Variants in MYT1L observed in about 807,000 individuals in gnomAD.
The protein encoded by MYT1L is myelin transcription factor 1-like protein.
Under a neutral mutation model 126.7 loss-of-function variants are expected in MYT1L, and 12 were observed. The ratio of observed to expected loss-of-function variants is 0.09; its 90% CI spans 0.06 to 0.15. The LOEUF is 0.15. Ranked by LOEUF, MYT1L falls within the 10% of genes least tolerant of loss-of-function variation. The pLI, the probability that MYT1L is intolerant of heterozygous loss-of-function variation, is 1.00. For missense variants in MYT1L, 979 were observed against 1,585.2 expected (o/e 0.62, Z 6.49); for synonymous variants, 541 against 604.2 (o/e 0.90, Z 1.53).
intron 2 of MYT1L, among the ~76,000 whole-genome samples, chr2:2,205,584 A>T (rs1265306960): frequency 1.3e-5 from 2 of 152,150 alleles, no homozygotes; most frequent in Non-Finnish European, 2.9e-5. Context: ...TTTAGGCTTT[A>T]TCTATTTCTA....
chr2:1,875,163 C>T (rs1306134026), intron 18 of MYT1L, among the ~76,000 whole-genome samples: 6 of 152,160 alleles, frequency 3.9e-5, no homozygotes, highest in Non-Finnish European at 5.9e-5. Flanking sequence ...TATGTTCCGG[C>T]GCAGGCGGAA....
intron 23 of MYT1L, among the ~76,000 whole-genome samples, chr2:1,797,384 A>T (rs1338199533): frequency 1.3e-5 from 2 of 152,020 alleles, no homozygotes; most frequent in Non-Finnish European, 1.5e-5. Context: ...CCACCACGCT[A>T]GGCTTTTTTG....
intron 4 of MYT1L, among the ~76,000 whole-genome samples, chr2:2,053,314 A>C (rs1177645088): frequency 1.3e-5 from 2 of 152,216 alleles, no homozygotes; most frequent in Non-Finnish European, 2.9e-5. Context: ...GGAACGAAAA[A>C]GTTCTGAAGA....
At chr2:1,971,252 G>A (rs566712306) in intron 8 of MYT1L, among the ~76,000 whole-genome samples, 6 of 152,256 alleles carry the variant, frequency 3.9e-5, no homozygotes, top group South Asian at 4.1e-4. Context: ...TAAATCCACC[G>A]AATTAATCAT....
chr2:2,029,766 T>C (rs966786464), intron 4 of MYT1L, among the ~76,000 whole-genome samples: 1 of 152,248 alleles, frequency 6.6e-6, no homozygotes, highest in Non-Finnish European at 1.5e-5. Flanking sequence ...AATTACTAAC[T>C]GAAAAGTCTG....
chr2:1,877,921 G>A (rs1165405855), intron 18 of MYT1L, among the ~76,000 whole-genome samples: 1 of 152,194 alleles, frequency 6.6e-6, no homozygotes, highest in East Asian at 1.9e-4. Context: ...GCTAATTAAT[G>A]CATCAGCAAG....
At chr2:2,245,317 T>C (rs1336291825) in intron 2 of MYT1L, among the ~76,000 whole-genome samples, 1 of 151,894 alleles carries the variant, frequency 6.6e-6, no homozygotes, top group Non-Finnish European at 1.5e-5. Context: ...CTGAGCCCTG[T>C]AGAGTCCTGG....
intron 4 of MYT1L, among the ~76,000 whole-genome samples, chr2:2,032,939 G>A (rs2066524363): frequency 7.0e-6 from 1 of 142,502 alleles, no homozygotes; most frequent in Non-Finnish European, 1.5e-5. Context: ...CCCCTCGCCA[G>A]TGCCTCTCAC....
intron 2 of MYT1L, among the ~76,000 whole-genome samples, chr2:2,197,627 GCACA>G (rs961828965): frequency 1.3e-5 from 2 of 148,636 alleles, no homozygotes; most frequent in East Asian, 2.0e-4. Flanking sequence ...ATACACACAT[GCACA>G]CACACACGCA....
chr2:2,159,744 G>C (rs1385846962), intron 3 of MYT1L, among the ~76,000 whole-genome samples: 2 of 152,062 alleles, frequency 1.3e-5, no homozygotes, highest in African/African-American at 4.8e-5. Flanking sequence ...CTTCGGCCCA[G>C]ATAACCAAGC....
intron 19 of MYT1L, among the ~76,000 whole-genome samples, chr2:1,849,950 G>A (rs577916605): frequency 6.6e-6 from 1 of 151,870 alleles, no homozygotes; most frequent in East Asian, 1.9e-4. Context: ...TCTGACTGTT[G>A]GGATCTGGTC....
At chr2:2,319,790 C>A (rs948372149) in intron 1 of MYT1L, among the ~76,000 whole-genome samples, 3 of 151,966 alleles carry the variant, frequency 2.0e-5, no homozygotes, top group Non-Finnish European at 4.4e-5. Context: ...CACACACACA[C>A]ACACAAGTAC....
At chr2:1,968,545 C>T (rs116600398) in intron 8 of MYT1L, among the ~76,000 whole-genome samples, 2,332 of 152,218 alleles carry the variant, frequency 0.015, 37 homozygotes, top group East Asian at 0.058. Flanking sequence ...TTACAAGGAA[C>T]GGATCTTTTA....
chr2:1,891,872 G>A (rs1405419332), intron 15 of MYT1L, among the ~76,000 whole-genome samples, 165 bp downstream of exon 15: 1 of 152,158 alleles, frequency 6.6e-6, no homozygotes, highest in Non-Finnish European at 1.5e-5. Flanking sequence ...TTCAGGCTGC[G>A]TTAAGGGAAG....
intron 3 of MYT1L, among the ~76,000 whole-genome samples, chr2:2,089,337 T>C (rs1322207441): frequency 6.6e-6 from 1 of 152,182 alleles, no homozygotes; most frequent in Non-Finnish European, 1.5e-5. Flanking sequence ...TTACAAAGTG[T>C]TTGCTATTGT....
rs758509228 is a variant in MYT1L, at chr2:1,839,177, C to T, written c.3052G>A (p.Val1018Ile). 8.7e-6 allele frequency: 14 copies of T among 1,612,950 alleles called. No individual in the cohort carries two copies. The highest frequency in any genetic ancestry group is 2.2e-5 in the East Asian group (1 of 44,892). Residue 1018 changes from valine (V) to isoleucine (I), a missense_variant, in exon 21 of 25, where the codon GTC (valine) becomes ATC (isoleucine). Coordinates refer to ENST00000647738, the MANE Select transcript of MYT1L (RefSeq NM_001303052.2). ...CGGTGTGTGAGGAAGCTGCCGCTGA[C>T]GTGGCCTGAGCCGTCGCATCCTGGC... ...PTPGCDGSGH[V>I]SGSFLTHRSL...
chr2:2,011,399 T>A (rs1204565357), intron 4 of MYT1L, among the ~76,000 whole-genome samples: 1 of 143,696 alleles, frequency 7.0e-6, no homozygotes, highest in African/African-American at 2.6e-5. Context: ...CAAGACTCCA[T>A]CTCAGAAAAA....
At chr2:2,207,912 G>C (rs1418819672) in intron 2 of MYT1L, among the ~76,000 whole-genome samples, 1 of 152,138 alleles carries the variant, frequency 6.6e-6, no homozygotes, top group Admixed American at 6.5e-5. Context: ...TTCCAGCCCT[G>C]CCCACCCCGA....
At chr2:1,835,609 G>A (rs554266375) in intron 21 of MYT1L, among the ~76,000 whole-genome samples, 7 of 152,240 alleles carry the variant, frequency 4.6e-5, no homozygotes, top group Admixed American at 6.5e-5. Context: ...ACCCAGGTCC[G>A]GTGTGCTCAG....
Sources: gnomAD v4.1 joint callset for allele counts (sites outside exome capture counted in the v4.1 genomes callset) on GRCh38, gnomAD v4.1.1 for gene constraint, MANE v1.5 for transcripts, NCBI Gene and HGNC (gene_info 2026-07-23, HGNC 2026-07-21) for gene names.